The following GLIS3 variants were observed in gnomAD, a reference collection of about 807,000 sequenced individuals.
GLIS3 encodes the protein zinc finger protein GLIS3.
GLIS3 carries 53 observed loss-of-function variants against 78.6 expected under a neutral mutation model. The ratio of observed to expected loss-of-function variants is 0.67; its 90% CI spans 0.54 to 0.85. GLIS3 has a LOEUF of 0.85. GLIS3 is among the 40% of genes least tolerant of loss of function. GLIS3 has a pLI of 0.00. For missense variants in GLIS3, 1,703 were observed against 1,231.1 expected (o/e 1.38, Z -5.74); for synonymous variants, 684 against 509.9 (o/e 1.34, Z -4.60).
chr9:4,009,668 A>G (rs1821837063), intron 4 of GLIS3, among the ~76,000 whole-genome samples: 2 of 152,214 alleles, frequency 1.3e-5, no homozygotes, highest in South Asian at 4.1e-4. Flanking sequence ...AAGAGCAAAG[A>G]GGAGAAACAA....
At chr9:3,972,684 T>TAAAAA (rs1818472457) in intron 4 of GLIS3, among the ~76,000 whole-genome samples, 1 of 152,186 alleles carries the variant, frequency 6.6e-6, no homozygotes, top group South Asian at 2.1e-4. Flanking sequence ...CTTTAGGACT[T>TAAAAA]GAGGTTATAG....
chr9:3,888,293 C>G (rs1822211800), intron 7 of GLIS3, among the ~76,000 whole-genome samples: 1 of 152,194 alleles, frequency 6.6e-6, no homozygotes, highest in Non-Finnish European at 1.5e-5. Flanking sequence ...CATGCCTCAA[C>G]TATCTCCTAC....
chr9:4,254,429 A>G (rs899041467), intron 2 of GLIS3, among the ~76,000 whole-genome samples: 4 of 152,266 alleles, frequency 2.6e-5, no homozygotes, highest in African/African-American at 9.6e-5. Context: ...AAGACTAGCC[A>G]TTATAAAGCA....
At chr9:4,123,728 T>C in intron 3 of GLIS3, 1 of 397,630 alleles carries the variant, frequency 2.5e-6, no homozygotes, top group Non-Finnish European at 4.4e-6. Context: ...TTATTGTATA[T>C]GTTTGACTAT....
chr9:4,027,775 G>A (rs1823468311), intron 4 of GLIS3, among the ~76,000 whole-genome samples: 1 of 152,162 alleles, frequency 6.6e-6, no homozygotes, highest in South Asian at 2.1e-4. Flanking sequence ...CCAGTTTCCA[G>A]GCAGACGAGG....
intron 4 of GLIS3, among the ~76,000 whole-genome samples, chr9:3,973,420 C>T (rs1200277191): frequency 2.0e-5 from 3 of 152,148 alleles, no homozygotes; most frequent in African/African-American, 2.4e-5. Context: ...CCCACCTTAA[C>T]ACTGTTGGGT....
At chr9:3,906,313 A>G (rs1280980248) in intron 6 of GLIS3, among the ~76,000 whole-genome samples, 6 of 152,224 alleles carry the variant, frequency 3.9e-5, no homozygotes, top group Non-Finnish European at 8.8e-5. Context: ...GGGCTATTAC[A>G]ACAATCTGGA....
At chr9:4,403,071 A>G in the GLIS3 span, among the ~76,000 whole-genome samples, 1 of 152,220 alleles carries the variant, frequency 6.6e-6, no homozygotes, top group African/African-American at 2.4e-5. Context: ...AAAAGCAGCA[A>G]GAGAAAAGAC....
At chr9:4,281,516 C>G (rs1185274845) in intron 2 of GLIS3, among the ~76,000 whole-genome samples, 1 of 152,180 alleles carries the variant, frequency 6.6e-6, no homozygotes, top group South Asian at 2.1e-4. Context: ...GAACTTCATA[C>G]AAAAGGAATC....
chr9:4,456,505 T>C, the GLIS3 span, among the ~76,000 whole-genome samples: 3 of 152,250 alleles, frequency 2.0e-5, no homozygotes, highest in Non-Finnish European at 4.4e-5. Flanking sequence ...ATGGCTATTC[T>C]GCTTTCTTAT....
intron 2 of GLIS3, among the ~76,000 whole-genome samples, chr9:4,272,692 ATCACTC>A (rs1826625576): frequency 6.6e-6 from 1 of 152,224 alleles, no homozygotes. Flanking sequence ...TACACTAATA[ATCACTC>A]ACTGGCCCCA....
chr9:4,195,701 C>G (rs965010243), intron 2 of GLIS3, among the ~76,000 whole-genome samples: 2 of 152,258 alleles, frequency 1.3e-5, no homozygotes, highest in African/African-American at 2.4e-5. Context: ...CGCCCATGGC[C>G]ACAGCGCGGG....
At position 3,896,670 on chromosome 9, in the gene GLIS3, T is replaced by TAAAAA. The variant is rs60086001; in HGVS notation, c.2128+2016_2128+2020dup. On this transcript the variant is annotated intron_variant, in intron 7 of 10. Transcript: ENST00000381971. ...GACAGAGTGAGACTCCCATCTCAAT[T>TAAAAA]AAAAAAAAAAAGAAGTAGAGAGGGT... 6.0e-5 allele frequency among the ~76,000 whole-genome samples: 3 copies of TAAAAA among 49,982 alleles called. 1 individual carries two copies. The East Asian group carries it at 2.2e-3, about 36-fold the overall frequency. 32.8% of individuals were successfully genotyped at this position (49,982 alleles called of 152,430 possible).
At chr9:4,092,729 C>A (rs895465712) in intron 4 of GLIS3, among the ~76,000 whole-genome samples, 1 of 152,108 alleles carries the variant, frequency 6.6e-6, no homozygotes, top group African/African-American at 2.4e-5. Context: ...TTTGAAATAC[C>A]TCTTGACGGA....
chr9:4,470,407 C>T, the GLIS3 span, among the ~76,000 whole-genome samples: 11 of 152,132 alleles, frequency 7.2e-5, no homozygotes, highest in South Asian at 2.1e-4. Flanking sequence ...TTATCCACCA[C>T]GATCAAGTTG....
chr9:4,100,686 G>A lies in GLIS3; in HGVS notation c.1710+17082C>T, dbSNP rs143364897. Among the ~76,000 whole-genome samples, 835 of 152,236 alleles carry A rather than the reference G, an allele frequency of 5.5e-3. 11 individuals are homozygous for A. Among genetic ancestry groups the A allele is most frequent in the African/African-American group, 0.015 (614 of 41,542 alleles). On this transcript the variant is annotated intron_variant, in intron 4 of 10. Coordinates refer to ENST00000381971, the MANE Select transcript of GLIS3 (RefSeq NM_001042413.2). The stretch of plus-strand genomic sequence containing the variant: ...ACTCAGTTGACTGTTTCTACAAGTA[G>A]TAGTATAGAATTATCTAGTGTTCTA...
intron 4 of GLIS3, among the ~76,000 whole-genome samples, chr9:4,102,842 CT>C (rs1830476319): frequency 6.6e-6 from 1 of 152,054 alleles, no homozygotes; most frequent in African/African-American, 2.4e-5. Context: ...ACACATAAGC[CT>C]TTCAAGCACT....
At chr9:4,178,435 G>A (rs991464338) in intron 2 of GLIS3, among the ~76,000 whole-genome samples, 1 of 152,196 alleles carries the variant, frequency 6.6e-6, no homozygotes, top group Admixed American at 6.5e-5. Context: ...AATGAGATAG[G>A]AGAAGGAGGG....
chr9:4,140,400 A>G (rs1268667701), intron 2 of GLIS3, among the ~76,000 whole-genome samples: 2 of 152,212 alleles, frequency 1.3e-5, no homozygotes, highest in Non-Finnish European at 2.9e-5. Context: ...ATTTCCCATT[A>G]CTGTCCAAAA....
Sources: gnomAD v4.1 joint callset for allele counts (sites outside exome capture counted in the v4.1 genomes callset) on GRCh38, gnomAD v4.1.1 for gene constraint, MANE v1.5 for transcripts, NCBI Gene and HGNC (gene_info 2026-07-23, HGNC 2026-07-21) for gene names.